Variants in ANKFN1 observed in about 807,000 individuals in gnomAD.
The protein encoded by ANKFN1 is ankyrin repeat and fibronectin type III domain containing 1, also known as ankyrin repeat and fibronectin type-III domain-containing protein 1.
A neutral mutation model predicts 108.7 loss-of-function variants in ANKFN1; 74 were observed. That is an observed-to-expected ratio of 0.68 (90% CI 0.56 to 0.83). The LOEUF (loss-of-function observed/expected upper bound fraction) is 0.83. Ranked by LOEUF, ANKFN1 falls within the 40% of genes least tolerant of loss-of-function variation. ANKFN1 has a pLI of 0.00. For missense variants in ANKFN1, 1,505 were observed against 1,382.3 expected, an observed-to-expected ratio of 1.09 and a Z score of -1.41; for synonymous variants, 547 against 516.2, an observed-to-expected ratio of 1.06 and a Z score of -0.81.
chr17:56,105,429 G>A (rs1465066784), intron 4 of ANKFN1, among the ~76,000 whole-genome samples: 1 of 151,936 alleles, frequency 6.6e-6, no homozygotes, highest in Non-Finnish European at 1.5e-5. Flanking sequence ...ACAATTCAGT[G>A]CCTTTGGATG....
At chr17:56,450,282 C>A (rs1352802434) in intron 11 of ANKFN1, among the ~76,000 whole-genome samples, 1 of 151,736 alleles carries the variant, frequency 6.6e-6, no homozygotes, top group East Asian at 1.9e-4. Flanking sequence ...AAAAAAAAAT[C>A]CACAGTTGAA....
intron 3 of ANKFN1, among the ~76,000 whole-genome samples, chr17:56,235,552 C>T (rs745824580): frequency 6.6e-6 from 1 of 152,046 alleles, no homozygotes; most frequent in Non-Finnish European, 1.5e-5. Flanking sequence ...GAAAGGGTCC[C>T]GTTTCAATCT....
In ANKFN1 at chr17:56,504,870, A is replaced by G. The variant is rs187342959; in HGVS notation, c.2645-5603A>G. On this transcript the variant is annotated intron_variant, in intron 20 of 20. Coordinates refer to ENST00000682825, the MANE Select transcript of ANKFN1 (RefSeq NM_001370326.1). ...TTTTTTTTAGTAAACACAGGGTTGCATCAGGTTGGCCAGGCTGGTCTCGAA... is the reference window on the plus strand; with the variant it reads ...TTTTTTTTAGTAAACACAGGGTTGCGTCAGGTTGGCCAGGCTGGTCTCGAA... Among the ~76,000 whole-genome samples the G allele has an allele frequency of 6.3e-4, 90 of 143,012 alleles. 1 individual carries two copies. In the East Asian group the frequency reaches 0.017, roughly 27 times the overall value. 93.8% of individuals were successfully genotyped at this position (143,012 alleles called of 152,430 possible).
chr17:56,295,162 C>CT (rs1228264658), intron 3 of ANKFN1, among the ~76,000 whole-genome samples: 4 of 152,226 alleles, frequency 2.6e-5, no homozygotes, highest in Admixed American at 2.0e-4. Flanking sequence ...ACAACTCTTC[C>CT]TTGGGGAAAC....
At position 56,499,007 on chromosome 17, in the gene ANKFN1, AAAG is replaced by A; in HGVS notation, c.2558_2560del (p.Lys853del). ...TAGACCCCTCAGATGAGCAGAGCCT[AAAG>A]AAGATCAATTCTACATCATCATCAC... On this transcript the variant is annotated inframe_deletion, in exon 20 of 21. Transcript: ENST00000682825. The A allele has an allele frequency of 6.5e-7, 1 of 1,535,788 alleles. No homozygotes were observed. Among genetic ancestry groups the A allele is most frequent in the Non-Finnish European group, 8.7e-7 (1 of 1,146,666 alleles).
At chr17:56,411,096 G>A (rs1477041826) in intron 8 of ANKFN1, among the ~76,000 whole-genome samples, 2 of 152,094 alleles carry the variant, frequency 1.3e-5, no homozygotes, top group African/African-American at 4.8e-5. Context: ...AATCACTTCA[G>A]GTAGTATAAA....
At chr17:56,221,383 A>G (rs1006654809) in intron 2 of ANKFN1, among the ~76,000 whole-genome samples, 1 of 152,136 alleles carries the variant, frequency 6.6e-6, no homozygotes, top group African/African-American at 2.4e-5. Context: ...ATATATGCCT[A>G]TTGATGAAGG....
At chr17:56,195,954 A>C (rs180730087) in intron 1 of ANKFN1, among the ~76,000 whole-genome samples, 3 of 152,220 alleles carry the variant, frequency 2.0e-5, no homozygotes, top group Non-Finnish European at 4.4e-5. Context: ...TAACATAAAA[A>C]GGGATACTTA....
intron 3 of ANKFN1, among the ~76,000 whole-genome samples, chr17:56,315,972 C>T (rs557469737): frequency 6.6e-6 from 1 of 152,288 alleles, no homozygotes; most frequent in East Asian, 1.9e-4. Context: ...TGTTTTTCCT[C>T]CTCTGTTCTT....
chr17:56,137,539 T>C (rs1216706637), intron 4 of ANKFN1, among the ~76,000 whole-genome samples: 1 of 152,072 alleles, frequency 6.6e-6, no homozygotes, highest in East Asian at 1.9e-4. Flanking sequence ...CTTAATCCCA[T>C]CTGAAGAAAC....
chr17:56,328,693 A>G (rs1427625376), intron 4 of ANKFN1, among the ~76,000 whole-genome samples: 4 of 152,056 alleles, frequency 2.6e-5, no homozygotes, highest in Non-Finnish European at 5.9e-5. Flanking sequence ...TCAATTTCCT[A>G]TAGGCTTTTG....
In ANKFN1 at chr17:56,511,517, A is replaced by G. The variant is rs1048842217; in HGVS notation, c.*248A>G. ...GAGTTGTGTCAACATGGAATACGAC[A>G]TACAGTGACTCAAACATGCCACCCT... On this transcript the variant is annotated 3_prime_UTR_variant, in exon 21 of 21. Transcript: ENST00000682825. 2.1e-6 allele frequency: 1 copy of G among 479,842 alleles called. No individual in the cohort carries two copies. Among genetic ancestry groups the G allele is most frequent in the Middle Eastern group, 5.4e-4 (1 of 1,856 alleles). The allele number at this position is 479,842 out of a possible 1,614,324, so 29.7% of individuals were successfully genotyped here.
In ANKFN1 at chr17:56,374,625, T is replaced by G; in HGVS notation, c.821T>G (p.Val274Gly). The change falls in exon 8 of 21, where the codon GTC (valine) becomes GGC (glycine). Residue 274 changes from valine (V) to glycine (G), a missense_variant. Transcript: ENST00000682825. ...GGAGCCCCTGAGATGCCAACCAATG[T>G]CTGTCTCATGGTAACCAGCAGCACA... is the stretch of plus-strand genomic sequence containing the variant. ...HARAPEMPTN[V>G]CLMVTSSTSL... The G allele has an allele frequency of 1.2e-6, 2 of 1,613,904 alleles. No individual in the cohort carries two copies. Among genetic ancestry groups the G allele is most frequent in the African/African-American group, 2.7e-5 (2 of 75,026 alleles).
At chr17:56,490,820 C>G in intron 18 of ANKFN1, among the ~76,000 whole-genome samples, 1 of 151,982 alleles carries the variant, frequency 6.6e-6, no homozygotes, top group African/African-American at 2.4e-5. Flanking sequence ...TGAAATGAGG[C>G]ATAGCTGGAG....
intron 4 of ANKFN1, among the ~76,000 whole-genome samples, chr17:56,128,397 G>C (rs902608732): frequency 1.3e-5 from 2 of 152,188 alleles, no homozygotes; most frequent in Non-Finnish European, 2.9e-5. Flanking sequence ...ACTGAAGGAT[G>C]TTTTGATTAT....
In ANKFN1 at chr17:56,499,015, T is replaced by C; in HGVS notation, c.2561T>C (p.Ile854Thr). 1 of 1,535,716 alleles carries C rather than the reference T, an allele frequency of 6.5e-7. No individual in the cohort carries two copies. The change falls in exon 20 of 21, where the codon ATC becomes ACC. Residue 854 changes from isoleucine (I) to threonine (T), a missense_variant. Ile to Thr is a moderately conservative substitution (Grantham distance 89). Coordinates refer to ENST00000682825, the MANE Select transcript of ANKFN1 (RefSeq NM_001370326.1). ...TCAGATGAGCAGAGCCTAAAGAAGA[T>C]CAATTCTACATCATCATCACATATA... ...DPSDEQSLKK[I>T]NSTSSSHIDC...
At chr17:56,309,898 G>A (rs561416761) in intron 3 of ANKFN1, among the ~76,000 whole-genome samples, 1 of 152,318 alleles carries the variant, frequency 6.6e-6, no homozygotes, top group South Asian at 2.1e-4. Context: ...GATGTGAGAT[G>A]AGACAATGCC....
At chr17:56,193,324 G>A (rs956280201) in intron 1 of ANKFN1, among the ~76,000 whole-genome samples, 2 of 146,020 alleles carry the variant, frequency 1.4e-5, no homozygotes, top group African/African-American at 5.1e-5. Context: ...AGTGGGTGCA[G>A]CGCACCAGCA....
At chr17:56,283,896 T>C (rs2044151241) in intron 3 of ANKFN1, among the ~76,000 whole-genome samples, 2 of 151,942 alleles carry the variant, frequency 1.3e-5, no homozygotes, top group South Asian at 4.1e-4. Context: ...TGGAAATAAA[T>C]TAAAAAAAAA....
Sources: allele counts gnomAD v4.1 joint callset (sites outside exome capture counted in the v4.1 genomes callset), GRCh38; gene constraint gnomAD v4.1.1; transcripts MANE v1.5; gene names NCBI Gene and HGNC (gene_info 2026-07-23, HGNC 2026-07-21).